Variants in CEACAM20 observed in about 807,000 individuals in gnomAD.
The protein encoded by CEACAM20 is CEA cell adhesion molecule 20.
In CEACAM20, 50 loss-of-function variants were observed where a neutral mutation model predicts 61.2. The observed-to-expected ratio is 0.82, with a 90% confidence interval of 0.65 to 1.03. The LOEUF (loss-of-function observed/expected upper bound fraction) is 1.03, where lower values mean the gene tolerates loss of function less well. Among genes scored for constraint, CEACAM20 ranks in the 50% least tolerant of loss-of-function variants. The pLI, the probability that CEACAM20 is intolerant of heterozygous loss-of-function variation, is 0.00. For missense variants in CEACAM20, 683 were observed against 736.4 expected (o/e 0.93, Z 0.84); for synonymous variants, 282 against 287.7 (o/e 0.98, Z 0.20).
Position 44,524,122 on chromosome 19 carries a change from C to T in CEACAM20, c.336G>A (p.Glu112=). Residue 112 remains glutamate (E), a synonymous_variant, in exon 3 of 12, where the codon GAG becomes GAA. Transcript: ENST00000614924. ...TGCCATCCTTGGACAGCTGCATGCG[C>T]TCATGGAACACAATGGAGAGGTTGT... ...VSNNLSIVFH[E]RMQLSKDGKI... The T allele has an allele frequency of 6.2e-7, 1 of 1,611,720 alleles. No individual in the cohort carries two copies. Among genetic ancestry groups the T allele is most frequent in the Non-Finnish European group, 8.5e-7 (1 of 1,178,982 alleles).
intron 2 of CEACAM20, among the ~76,000 whole-genome samples, 153 bp downstream of exon 2, chr19:44,524,948 C>T (rs1475024054): frequency 6.6e-6 from 1 of 152,140 alleles, no homozygotes; most frequent in Non-Finnish European, 1.5e-5. Context: ...CCTCTTTACC[C>T]CTGACCCCTG....
At chr19:44,525,647 T>C (rs1362299007) in intron 1 of CEACAM20, among the ~76,000 whole-genome samples, 1 of 152,190 alleles carries the variant, frequency 6.6e-6, no homozygotes, top group Non-Finnish European at 1.5e-5. Flanking sequence ...TTCGCCATGT[T>C]GGCCAGGCTG....
chr19:44,523,838 A>C, intron 3 of CEACAM20, 148 bp downstream of exon 3: 1 of 880,370 alleles, frequency 1.1e-6, no homozygotes, highest in African/African-American at 1.7e-5. Flanking sequence ...TTCCAGTAGA[A>C]TCCAAGTAGA....
intron 6 of CEACAM20, 148 bp from the exon 7 acceptor site, chr19:44,513,437 G>A (rs1004104108): frequency 3.6e-5 from 13 of 360,254 alleles, no homozygotes; most frequent in Non-Finnish European, 6.1e-5. Context: ...GTGGTTTTTG[G>A]TTTTGCTTTT....
intron 10 of CEACAM20, 80 bp from the exon 11 acceptor site, chr19:44,511,235 C>CCT: frequency 6.5e-7 from 1 of 1,543,148 alleles, no homozygotes; most frequent in Non-Finnish European, 8.8e-7. Flanking sequence ...CTTCAGGGAC[C>CCT]GAGAGAGTGG....
At chr19:44,512,985 C>G in intron 7 of CEACAM20, 32 bp from the exon 8 acceptor site, 2 of 1,569,386 alleles carry the variant, frequency 1.3e-6, no homozygotes, top group Non-Finnish European at 1.7e-6. Flanking sequence ...TATTCTGTGC[C>G]TCTAGTCCTT....
intron 1 of CEACAM20, among the ~76,000 whole-genome samples, chr19:44,528,715 G>A (rs1971613011): frequency 6.6e-6 from 1 of 151,142 alleles, no homozygotes; most frequent in Non-Finnish European, 1.5e-5. Flanking sequence ...TTTCTCTCTT[G>A]TCTCTGGTCT....
At position 44,520,826 on chromosome 19, in the gene CEACAM20, G is replaced by T. The variant is rs1237483294; in HGVS notation, c.752-74C>A. On this transcript the variant is annotated intron_variant, in intron 4 of 11. Transcript: ENST00000614924. Reference sequence around the variant, plus strand: ...TCTCCTGCCCTTGTGGGGCCCACAAGTTTTTCCAGGAGTGCGTGCGTGTGT... The same window carrying T: ...TCTCCTGCCCTTGTGGGGCCCACAATTTTTTCCAGGAGTGCGTGCGTGTGT... 9.5e-6 allele frequency: 14 copies of T among 1,478,908 alleles called. No homozygotes were observed. In the African/African-American group the frequency reaches 1.9e-4, roughly 20 times the overall value. The allele number at this position is 1,478,908 out of a possible 1,614,324, so 91.6% of individuals were successfully genotyped here.
At chr19:44,510,396 C>T (rs1442079175) in intron 11 of CEACAM20, among the ~76,000 whole-genome samples, 1 of 151,704 alleles carries the variant, frequency 6.6e-6, no homozygotes, top group African/African-American at 2.4e-5. Context: ...GCCTGCAGTC[C>T]TAGCTACTCG....
rs752570333 is a variant in CEACAM20 at position 44,517,236 on chromosome 19, G to C, written c.1031-12C>G. 6.3e-7 allele frequency: 1 copy of C among 1,599,400 alleles called. No individual in the cohort carries two copies. Among genetic ancestry groups the C allele is most frequent in the Non-Finnish European group, 8.5e-7 (1 of 1,177,030 alleles). On this transcript the variant is annotated splice_polypyrimidine_tract_variant and intron_variant, in intron 5 of 11. Coordinates refer to ENST00000614924, the MANE Select transcript of CEACAM20 (RefSeq NM_001102597.3). ...TTGGTCAGGACCATCTGTGTGTAAA[G>C]CCAAACGTGATGCACCCTGGCCCCC...
chr19:44,511,153 C>T lies in CEACAM20; in HGVS notation c.1614G>A (p.Thr538=), dbSNP rs762179860. The T allele has an allele frequency of 6.8e-6, 11 of 1,613,458 alleles. No homozygotes were observed. The highest frequency in any genetic ancestry group is 5.3e-5 in the African/African-American group (4 of 74,988). ...CTCTACGGCTTGCTGAAGGCAGCTT[C>T]GTCTGCAAGTAAGCAGAGAAATTAG... ...PPDLPEETYE[T]KLPSASRRGN... The change falls in exon 11 of 12, where the codon ACG becomes ACA. Residue 538 remains threonine, a splice_region_variant and synonymous_variant. Transcript: ENST00000614924.
chr19:44,511,715 T>C (rs1230172733), intron 9 of CEACAM20, 43 bp from the exon 10 acceptor site: 3 of 1,598,884 alleles, frequency 1.9e-6, no homozygotes, highest in East Asian at 2.2e-5. Context: ...GGGCTTGGAA[T>C]AGGGGCTACC....
chr19:44,506,182 G>A lies in CEACAM20; in HGVS notation c.1770C>T (p.Ile590=), dbSNP rs746909031. Residue 590 remains isoleucine (I), a synonymous_variant, in exon 12 of 12, where the codon ATC becomes ATT. Transcript: ENST00000614924. ...ELVNPEPNTY[I]QINPSV ...TCCATTAGACGGAGGGGTTGATTTG[G>A]ATGTAAGTGTTGGGCTCTGGATTCA... 1.1e-5 allele frequency: 17 copies of A among 1,613,708 alleles called. No individual in the cohort carries two copies. Among genetic ancestry groups the A allele is most frequent in the Admixed American group, 3.3e-5 (2 of 59,992 alleles).
intron 11 of CEACAM20, among the ~76,000 whole-genome samples, chr19:44,508,993 T>A: frequency 6.6e-6 from 1 of 151,732 alleles, no homozygotes. Flanking sequence ...ATGAATGAAA[T>A]GAAAGATTGG....
chr19:44,522,634 C>A lies in CEACAM20; in HGVS notation c.751G>T (p.Glu251Ter). 1 of 1,611,152 alleles carries A rather than the reference C, an allele frequency of 6.2e-7. No individual in the cohort carries two copies. Residue 251 changes from glutamate (E) to a stop codon, truncating the protein, a stop_gained and splice_region_variant, in exon 4 of 12, where the codon GAA becomes TAA. Transcript: ENST00000614924. LOFTEE classifies it high-confidence loss of function. ...SLGTLKVRVL[E>*]TLTMPQVVPS... ...AGAGGAACCGGGAAAGGAGACTCACCAAGTACTCGGACCTTCAGAGTACCC... is the reference window on the plus strand; with the variant it reads ...AGAGGAACCGGGAAAGGAGACTCACAAAGTACTCGGACCTTCAGAGTACCC...
rs373367121 is a variant in CEACAM20, at chr19:44,516,922, A to G, written c.1309+24T>C. 390 of 1,579,544 alleles carry G rather than the reference A, an allele frequency of 2.5e-4. 2 individuals carry two copies. The Middle Eastern group carries it at 7.8e-3, about 32-fold the overall frequency. On this transcript the variant is annotated intron_variant, in intron 6 of 11. Coordinates refer to ENST00000614924, the MANE Select transcript of CEACAM20 (RefSeq NM_001102597.3). ...CAGGAAAGGCCCCTCGGGTCCTGGG[A>G]GAAGGCGACCCTGAGAGACTCACCT...
At chr19:44,526,691 G>A (rs1462952769) in intron 1 of CEACAM20, among the ~76,000 whole-genome samples, 3 of 151,890 alleles carry the variant, frequency 2.0e-5, no homozygotes, top group East Asian at 3.9e-4. Flanking sequence ...TGGTCAACAT[G>A]GTGAAACCCC....
At position 44,518,365 on chromosome 19, in the gene CEACAM20, G is replaced by A. The variant is rs544425136; in HGVS notation, c.1031-1141C>T. Among the ~76,000 whole-genome samples, 7 of 152,220 alleles carry A rather than the reference G, an allele frequency of 4.6e-5. No homozygotes were observed. In the South Asian group the frequency reaches 1.5e-3, roughly 32 times the overall value. The stretch of plus-strand genomic sequence containing the variant: ...TGCAAATTTTCTTTGTAATGTCAGA[G>A]GGGATCATTGTCACTTTTCTCTTCC... On this transcript the variant is annotated intron_variant, in intron 5 of 11. Coordinates refer to ENST00000614924, the MANE Select transcript of CEACAM20 (RefSeq NM_001102597.3).
intron 9 of CEACAM20, 84 bp downstream of exon 9, chr19:44,511,933 T>C: frequency 1.5e-6 from 2 of 1,331,724 alleles, no homozygotes; most frequent in South Asian, 2.5e-5. Context: ...TCTCAAAAGA[T>C]CATGCCAGCC....
Sources: gnomAD v4.1 joint callset for allele counts (sites outside exome capture counted in the v4.1 genomes callset) on GRCh38, gnomAD v4.1.1 for gene constraint, MANE v1.5 for transcripts, NCBI Gene and HGNC (gene_info 2026-07-23, HGNC 2026-07-21) for gene names.